Variants in ENOX1 observed in about 807,000 individuals in gnomAD.
ENOX1 encodes the protein ecto-NOX disulfide-thiol exchanger 1.
ENOX1 carries 42 observed loss-of-function variants against 82.5 expected under a neutral mutation model. That is an observed-to-expected ratio of 0.51 (90% confidence interval 0.40 to 0.66). The LOEUF (loss-of-function observed/expected upper bound fraction) is 0.66, where lower values mean the gene tolerates loss of function less well. Ranked by LOEUF, ENOX1 falls within the 30% of genes least tolerant of loss-of-function variation. ENOX1 has a pLI of 0.00. For missense variants in ENOX1, 608 were observed against 811.6 expected, an observed-to-expected ratio of 0.75 and a Z score of 3.05; for synonymous variants, 271 against 282.2, an observed-to-expected ratio of 0.96 and a Z score of 0.40.
chr13:43,449,719 A>G (rs147954501), intron 3 of ENOX1, among the ~76,000 whole-genome samples: 1 of 151,600 alleles, frequency 6.6e-6, no homozygotes, highest in South Asian at 2.1e-4. Flanking sequence ...AGTCCCTTTT[A>G]TGTTCTTTTA....
At chr13:43,518,445 C>G (rs1394393104) in intron 2 of ENOX1, among the ~76,000 whole-genome samples, 2 of 152,074 alleles carry the variant, frequency 1.3e-5, no homozygotes, top group East Asian at 3.9e-4. Flanking sequence ...TCAGTGCCCC[C>G]CAGCAGTTTG....
intron 1 of ENOX1, among the ~76,000 whole-genome samples, chr13:43,713,317 G>C (rs1377903752): frequency 1.3e-5 from 2 of 152,166 alleles, no homozygotes; most frequent in Non-Finnish European, 2.9e-5. Context: ...CAGTTTGCCA[G>C]TATTTTATTG....
intron 12 of ENOX1, among the ~76,000 whole-genome samples, chr13:43,290,645 T>C (rs752862685): frequency 9.9e-5 from 15 of 152,164 alleles, no homozygotes; most frequent in Non-Finnish European, 2.1e-4. Flanking sequence ...CTATGCTCAC[T>C]ACCCAGGTGA....
chr13:43,358,082 G>A (rs541638183), intron 7 of ENOX1, among the ~76,000 whole-genome samples: 17 of 152,240 alleles, frequency 1.1e-4, no homozygotes, highest in Non-Finnish European at 1.2e-4. Context: ...TGAGAGAAGC[G>A]GGACCAGCAC....
intron 2 of ENOX1, among the ~76,000 whole-genome samples, chr13:43,604,563 C>T (rs977307830): frequency 6.6e-6 from 1 of 152,168 alleles, no homozygotes; most frequent in Non-Finnish European, 1.5e-5. Flanking sequence ...GCTTATTCAG[C>T]ATCAATTGAA....
At chr13:43,665,866 G>A (rs1410786829) in intron 2 of ENOX1, among the ~76,000 whole-genome samples, 1 of 149,850 alleles carries the variant, frequency 6.7e-6, no homozygotes, top group Non-Finnish European at 1.5e-5. Context: ...TTTGGCCATG[G>A]CCTTTATAGT....
chr13:43,636,004 A>G (rs960920915), intron 2 of ENOX1, among the ~76,000 whole-genome samples: 7 of 152,172 alleles, frequency 4.6e-5, no homozygotes, highest in African/African-American at 9.7e-5. Flanking sequence ...CAGCCCCAAC[A>G]CAGCCAGAAT....
At chr13:43,595,880 G>A (rs767264511) in intron 2 of ENOX1, among the ~76,000 whole-genome samples, 1 of 152,110 alleles carries the variant, frequency 6.6e-6, no homozygotes, top group Non-Finnish European at 1.5e-5. Flanking sequence ...GTCATGTTAC[G>A]AGAAAATAAA....
chr13:43,448,831 A>G (rs149675261), intron 3 of ENOX1, among the ~76,000 whole-genome samples: 120 of 152,376 alleles, frequency 7.9e-4, no homozygotes, highest in African/African-American at 2.8e-3. Context: ...ACCAACAAGC[A>G]TTCTGCAGCC....
Position 43,326,463 on chromosome 13 carries a change from T to G in ENOX1, c.1099A>C (p.Lys367Gln), listed in dbSNP as rs1326026499. 1.2e-6 allele frequency: 2 copies of G among 1,614,190 alleles called. 1 individual carries two copies. ...ATGTCTATGTTCTTGCGCTGGGCTT[T>G]CGAGAAATGGTCCCAAGCTTTTTGT... is the stretch of plus-strand genomic sequence containing the variant. ...TRQKAWDHFSKAQRKNIDIWR... is the reference protein window; with the variant it reads ...TRQKAWDHFSQAQRKNIDIWR... The change falls in exon 10 of 17, where the codon AAA (lysine) becomes CAA (glutamine). Residue 367 changes from lysine to glutamine, a missense_variant. By Grantham distance (53) the Lys-to-Gln change is moderately conservative. Transcript: ENST00000690772.
At chr13:43,512,028 G>A (rs1346631590) in intron 2 of ENOX1, among the ~76,000 whole-genome samples, 1 of 151,928 alleles carries the variant, frequency 6.6e-6, no homozygotes, top group Non-Finnish European at 1.5e-5. Context: ...GCCATCCATG[G>A]ATATTATATG....
intron 3 of ENOX1, among the ~76,000 whole-genome samples, chr13:43,468,490 C>A (rs958116308): frequency 1.3e-5 from 2 of 151,876 alleles, no homozygotes; most frequent in Non-Finnish European, 2.9e-5. Context: ...CTATAAATTT[C>A]TTTTAAAAAG....
intron 11 of ENOX1, among the ~76,000 whole-genome samples, chr13:43,319,971 C>T (rs571811399): frequency 1.3e-5 from 2 of 152,270 alleles, no homozygotes; most frequent in Admixed American, 6.5e-5. Flanking sequence ...AAGAAGATAC[C>T]GCTGGAAGGT....
At chr13:43,354,168 G>C (rs1298760395) in intron 8 of ENOX1, among the ~76,000 whole-genome samples, 4 of 152,178 alleles carry the variant, frequency 2.6e-5, no homozygotes, top group African/African-American at 9.7e-5. Flanking sequence ...AATACTCCTT[G>C]TTGAGAACAT....
At chr13:43,762,643 T>C (rs9533609) in intron 1 of ENOX1, among the ~76,000 whole-genome samples, 1 of 152,078 alleles carries the variant, frequency 6.6e-6, no homozygotes, top group Non-Finnish European at 1.5e-5. Context: ...GTTAATAATC[T>C]GGGACAAGCA....
chr13:43,232,296 C>T (rs569682419), intron 15 of ENOX1, among the ~76,000 whole-genome samples: 7 of 152,172 alleles, frequency 4.6e-5, no homozygotes, highest in South Asian at 2.1e-4. Context: ...ACAATGAAGA[C>T]GGATTATTCT....
intron 1 of ENOX1, among the ~76,000 whole-genome samples, chr13:43,724,350 T>G (rs769693007): frequency 7.2e-5 from 11 of 152,238 alleles, no homozygotes; most frequent in Non-Finnish European, 1.6e-4. Flanking sequence ...GTCTTCTATG[T>G]GCTCTACCTC....
At chr13:43,680,898 C>G (rs1566759740) in intron 1 of ENOX1, among the ~76,000 whole-genome samples, 1 of 152,024 alleles carries the variant, frequency 6.6e-6, no homozygotes, top group Non-Finnish European at 1.5e-5. Flanking sequence ...CCTGATGAAT[C>G]CTAACTACAA....
chr13:43,746,162 T>C (rs1950009856), intron 1 of ENOX1, among the ~76,000 whole-genome samples: 1 of 152,108 alleles, frequency 6.6e-6, no homozygotes, highest in African/African-American at 2.4e-5. Context: ...TAAACAACTA[T>C]ATTAATATAT....
Sources: allele counts gnomAD v4.1 joint callset (sites outside exome capture counted in the v4.1 genomes callset), GRCh38; gene constraint gnomAD v4.1.1; transcripts MANE v1.5; gene names NCBI Gene and HGNC (gene_info 2026-07-23, HGNC 2026-07-21).